Variants in STARD13 observed in about 807,000 individuals in gnomAD.
The protein encoded by STARD13 is StAR related lipid transfer domain containing 13, also known as stAR-related lipid transfer protein 13.
In STARD13, 62 loss-of-function variants were observed where a neutral mutation model predicts 106.4. That is an observed-to-expected ratio of 0.58 (90% CI 0.48 to 0.72). The LOEUF is 0.72. Among genes scored for constraint, STARD13 ranks in the 30% least tolerant of loss-of-function variants. The pLI, the probability that STARD13 is intolerant of heterozygous loss-of-function variation, is 0.00. For synonymous variants in STARD13, 565 were observed against 553.0 expected, an observed-to-expected ratio of 1.02 and a Z score of -0.31; for missense variants, 1,387 against 1,424.0, an observed-to-expected ratio of 0.97 and a Z score of 0.42.
At chr13:33,301,090 C>G (rs896783677) in intron 1 of STARD13, among the ~76,000 whole-genome samples, 4 of 152,240 alleles carry the variant, frequency 2.6e-5, no homozygotes, top group African/African-American at 9.6e-5. Flanking sequence ...TGATTAATAT[C>G]TGTCTATTCC....
At chr13:33,501,065 T>C in the STARD13 span, among the ~76,000 whole-genome samples, 1 of 145,228 alleles carries the variant, frequency 6.9e-6, no homozygotes, top group Non-Finnish European at 1.5e-5. Flanking sequence ...ATTTCTTTCC[T>C]CTTCTCTCTC....
intron 1 of STARD13, among the ~76,000 whole-genome samples, chr13:33,182,706 C>G (rs138144467): frequency 2.6e-5 from 4 of 152,242 alleles, no homozygotes; most frequent in African/African-American, 7.2e-5. Context: ...GTGGGCTGGA[C>G]GAGCTTGGTT....
the STARD13 span, among the ~76,000 whole-genome samples, chr13:33,390,296 C>A: frequency 2.6e-5 from 4 of 152,160 alleles, no homozygotes; most frequent in Non-Finnish European, 4.4e-5. Context: ...TGTTCTCTGG[C>A]TTTTATGTTG....
the STARD13 span, among the ~76,000 whole-genome samples, chr13:33,438,631 C>T: frequency 6.6e-6 from 1 of 152,182 alleles, no homozygotes; most frequent in Non-Finnish European, 1.5e-5. Flanking sequence ...AGACATTTTC[C>T]TGACAAAGTT....
intron 10 of STARD13, among the ~76,000 whole-genome samples, chr13:33,111,363 G>A (rs182057704): frequency 7.0e-4 from 106 of 152,288 alleles, no homozygotes; most frequent in Middle Eastern, 3.4e-3. Context: ...CACAAGTCTG[G>A]TTCACTTACT....
chr13:33,544,947 TG>T, the STARD13 span, among the ~76,000 whole-genome samples: 118 of 151,130 alleles, frequency 7.8e-4, no homozygotes, highest in African/African-American at 2.9e-3. Flanking sequence ...CTAATTTTTT[TG>T]TTTTATTTAT....
chr13:33,631,523 G>A, the STARD13 span, among the ~76,000 whole-genome samples: 6 of 152,306 alleles, frequency 3.9e-5, no homozygotes, highest in East Asian at 1.2e-3. Flanking sequence ...AGCATTCCAG[G>A]TCCTAATGCT....
chr13:33,510,008 G>A, the STARD13 span, among the ~76,000 whole-genome samples: 5 of 152,162 alleles, frequency 3.3e-5, no homozygotes, highest in African/African-American at 1.2e-4. Context: ...GAGAGTCCTT[G>A]CTCTCTTTGC....
the STARD13 span, among the ~76,000 whole-genome samples, chr13:33,621,874 G>A: frequency 6.6e-6 from 1 of 150,388 alleles, no homozygotes; most frequent in East Asian, 2.0e-4. Context: ...GCATGATCAT[G>A]GCTCACTGCA....
chr13:33,240,341 T>C (rs1033878598), intron 1 of STARD13, among the ~76,000 whole-genome samples: 1 of 152,178 alleles, frequency 6.6e-6, no homozygotes, highest in African/African-American at 2.4e-5. Context: ...TGTCCTTCTT[T>C]TTCAAGATTG....
intron 2 of STARD13, among the ~76,000 whole-genome samples, chr13:33,167,008 AAAAAACC>A (rs1883394427): frequency 6.6e-6 from 1 of 151,672 alleles, no homozygotes; most frequent in Admixed American, 6.6e-5. Flanking sequence ...AAAAACAAAA[AAAAAACC>A]AAAAAAAAAT....
the STARD13 span, among the ~76,000 whole-genome samples, chr13:33,362,599 T>C: frequency 6.6e-6 from 1 of 152,288 alleles, no homozygotes; most frequent in Non-Finnish European, 1.5e-5. Context: ...TCCTGGAACA[T>C]TGCTTGGCAC....
downstream of STARD13, among the ~76,000 whole-genome samples, chr13:33,344,482 T>A (rs1049973578): frequency 6.7e-6 from 1 of 149,898 alleles, no homozygotes; most frequent in East Asian, 1.9e-4. Flanking sequence ...TTTGATATTA[T>A]AGAACACATT....
intron 3 of STARD13, among the ~76,000 whole-genome samples, chr13:33,151,007 T>C (rs1177793136): frequency 6.6e-6 from 1 of 151,994 alleles, no homozygotes; most frequent in Non-Finnish European, 1.5e-5. Flanking sequence ...GATAGAAACA[T>C]GATTAAAAAG....
the STARD13 span, among the ~76,000 whole-genome samples, chr13:33,600,359 T>C: frequency 2.0e-5 from 3 of 152,232 alleles, no homozygotes; most frequent in African/African-American, 7.2e-5. Flanking sequence ...AAAATTTAAA[T>C]ATAGCCCGTG....
the STARD13 span, among the ~76,000 whole-genome samples, chr13:33,639,224 C>T: frequency 1.2e-4 from 19 of 152,054 alleles, no homozygotes; most frequent in African/African-American, 4.3e-4. Flanking sequence ...TGCTTAAGTT[C>T]GAGTGGTCTG....
At chr13:33,162,934 T>C (rs889304539) in intron 3 of STARD13, among the ~76,000 whole-genome samples, 1 of 152,196 alleles carries the variant, frequency 6.6e-6, no homozygotes. Context: ...TACCAATTTA[T>C]TGTATTAGTC....
chr13:33,515,145 C>T, the STARD13 span, among the ~76,000 whole-genome samples: 1 of 152,088 alleles, frequency 6.6e-6, no homozygotes, highest in African/African-American at 2.4e-5. Flanking sequence ...GTTCCTGTAT[C>T]AAAAAAGTGG....
At chr13:33,591,894 C>A in the STARD13 span, among the ~76,000 whole-genome samples, 1 of 152,214 alleles carries the variant, frequency 6.6e-6, no homozygotes, top group African/African-American at 2.4e-5. Context: ...GATGTTCACT[C>A]ATTAATTAAA....
Sources: allele counts gnomAD v4.1 joint callset (sites outside exome capture counted in the v4.1 genomes callset), GRCh38; gene constraint gnomAD v4.1.1; transcripts MANE v1.5; gene names NCBI Gene and HGNC (gene_info 2026-07-23, HGNC 2026-07-21).